CNTN5: variants seen among roughly 807,000 people sequenced by gnomAD.
CNTN5 encodes contactin 5.
CNTN5 carries 77 observed loss-of-function variants against 129.1 expected under a neutral mutation model. The observed-to-expected ratio is 0.60, with a 90% confidence interval of 0.50 to 0.72. The LOEUF is 0.72. Ranked by LOEUF, CNTN5 falls within the 30% of genes least tolerant of loss-of-function variation. CNTN5 has a pLI of 0.00. For synonymous variants in CNTN5, 509 were observed against 465.6 expected, an observed-to-expected ratio of 1.09 and a Z score of -1.20; for missense variants, 1,478 against 1,328.8, an observed-to-expected ratio of 1.11 and a Z score of -1.75.
intron 3 of CNTN5, among the ~76,000 whole-genome samples, chr11:99,663,828 T>C (rs1015300995): frequency 1.3e-5 from 2 of 152,328 alleles, no homozygotes; most frequent in East Asian, 3.9e-4. Context: ...CTTTTCTTTA[T>C]ACTTACCCAG....
At chr11:99,200,053 T>C (rs1408876419) in intron 1 of CNTN5, among the ~76,000 whole-genome samples, 1 of 152,228 alleles carries the variant, frequency 6.6e-6, no homozygotes, top group Non-Finnish European at 1.5e-5. Context: ...CCCAATACTA[T>C]ACAGATTACC....
chr11:99,597,825 G>A (rs954317536), intron 3 of CNTN5, among the ~76,000 whole-genome samples: 10 of 152,022 alleles, frequency 6.6e-5, no homozygotes, highest in Non-Finnish European at 1.0e-4. Flanking sequence ...AGCTTTCTCC[G>A]GTATTTTTCA....
chr11:99,507,484 A>C (rs1449210749), intron 2 of CNTN5, among the ~76,000 whole-genome samples: 2 of 152,078 alleles, frequency 1.3e-5, no homozygotes, highest in Non-Finnish European at 2.9e-5. Flanking sequence ...TAATTTTAAA[A>C]GAATTTGAAT....
rs147652218 is a variant in CNTN5, at chr11:100,085,646, A to T, written c.1580+11352A>T. Among the ~76,000 whole-genome samples, 526 of 152,184 alleles carry T rather than the reference A, an allele frequency of 3.5e-3. 4 individuals carry two copies. Among genetic ancestry groups the T allele is most frequent in the South Asian group, 0.026 (126 of 4,822 alleles). On this transcript the variant is annotated intron_variant, in intron 13 of 24. Transcript: ENST00000524871. ...GACTGACTGAGCATTGGGTATTTTT[A>T]TATTGCATTACTTTATTAAAGTCCT... is the stretch of plus-strand genomic sequence containing the variant.
intron 9 of CNTN5, among the ~76,000 whole-genome samples, chr11:100,040,864 G>T (rs992666963): frequency 3.0e-4 from 45 of 152,108 alleles, no homozygotes; most frequent in African/African-American, 9.9e-4. Context: ...AATTTTCCAG[G>T]TGCCGTCTGT....
At chr11:99,252,213 C>T (rs1157529347) in intron 1 of CNTN5, among the ~76,000 whole-genome samples, 1 of 151,878 alleles carries the variant, frequency 6.6e-6, no homozygotes, top group Non-Finnish European at 1.5e-5. Context: ...TTTTCGTATA[C>T]ACCCTTTTTA....
chr11:99,111,307 GGTGT>G (rs1857785366), intron 1 of CNTN5, among the ~76,000 whole-genome samples: 1 of 151,584 alleles, frequency 6.6e-6, no homozygotes, highest in South Asian at 2.1e-4. Flanking sequence ...TGTGTGTGTA[GGTGT>G]GTGTGTTTGT....
At chr11:99,497,546 C>A (rs1042636080) in intron 2 of CNTN5, among the ~76,000 whole-genome samples, 3 of 151,868 alleles carry the variant, frequency 2.0e-5, no homozygotes, top group African/African-American at 4.8e-5. Flanking sequence ...TGGGCCAGGA[C>A]AACTAAACAA....
At position 99,612,403 on chromosome 11, in the gene CNTN5, G is replaced by A. The variant is rs548921192; in HGVS notation, c.55+56134G>A. Among the ~76,000 whole-genome samples the A allele has an allele frequency of 6.6e-5, 10 of 152,154 alleles. No individual in the cohort carries two copies. In the South Asian group the frequency reaches 1.0e-3, roughly 16 times the overall value. On this transcript the variant is annotated intron_variant, in intron 3 of 24. Transcript: ENST00000524871. The stretch of plus-strand genomic sequence containing the variant: ...CCCTCTGACCCCATCTTCCTCTTAC[G>A]TAATTTAAATTGAGTAGGTAAAAAG...
intron 23 of CNTN5, among the ~76,000 whole-genome samples, chr11:100,345,264 G>T (rs1952254272): frequency 6.6e-6 from 1 of 152,110 alleles, no homozygotes; most frequent in Admixed American, 6.6e-5. Flanking sequence ...CCTCAAGAGG[G>T]GAGGAACACC....
intron 3 of CNTN5, among the ~76,000 whole-genome samples, chr11:99,675,874 A>T (rs1260324947): frequency 6.6e-6 from 1 of 152,144 alleles, no homozygotes; most frequent in East Asian, 1.9e-4. Flanking sequence ...CCTTGCAAAA[A>T]GGAAACAATT....
chr11:99,694,678 C>T (rs377117560), intron 3 of CNTN5, among the ~76,000 whole-genome samples: 2 of 152,028 alleles, frequency 1.3e-5, no homozygotes, highest in Middle Eastern at 3.2e-3. Flanking sequence ...GAGCCCCCCA[C>T]CCCCTGGCAG....
intron 3 of CNTN5, among the ~76,000 whole-genome samples, chr11:99,808,262 CATATT>C (rs1260259349): frequency 6.6e-6 from 1 of 152,112 alleles, no homozygotes; most frequent in Non-Finnish European, 1.5e-5. Context: ...ATGAGAGTGA[CATATT>C]AAATCAGGCT....
chr11:100,144,224 AT>A (rs1565283250), intron 13 of CNTN5, among the ~76,000 whole-genome samples: 2 of 151,938 alleles, frequency 1.3e-5, no homozygotes, highest in African/African-American at 4.8e-5. Flanking sequence ...TTTTTATTTT[AT>A]TTTTTTATTT....
At chr11:99,725,790 G>C (rs1001253935) in intron 3 of CNTN5, among the ~76,000 whole-genome samples, 1 of 152,006 alleles carries the variant, frequency 6.6e-6, no homozygotes, top group Non-Finnish European at 1.5e-5. Flanking sequence ...CTGCCATTTT[G>C]AATGGTCCAG....
chr11:99,428,461 T>G (rs1161800904), intron 2 of CNTN5, among the ~76,000 whole-genome samples: 2 of 148,958 alleles, frequency 1.3e-5, no homozygotes, highest in Non-Finnish European at 3.0e-5. Context: ...TTTGGGAGGT[T>G]AAGGTGAGAG....
rs538657885 is a variant in CNTN5, at chr11:99,369,851, A to G, written c.-71+44367A>G. 4.6e-5 allele frequency among the ~76,000 whole-genome samples: 7 copies of G among 152,294 alleles called. No homozygotes were observed. In the South Asian group the frequency reaches 1.0e-3, roughly 23 times the overall value. On this transcript the variant is annotated intron_variant, in intron 2 of 24. Coordinates refer to ENST00000524871, the MANE Select transcript of CNTN5 (RefSeq NM_014361.4). ...ATCAATATTTCTTTTGGAATTTACA[A>G]TCTAGAAAGAAGCAGATATTTACTA...
intron 3 of CNTN5, among the ~76,000 whole-genome samples, chr11:99,578,352 G>T (rs1427783684): frequency 6.6e-6 from 1 of 150,746 alleles, no homozygotes; most frequent in Admixed American, 6.6e-5. Context: ...CCAGTAATGG[G>T]ATAGTTGGGT....
At chr11:99,690,196 C>T (rs1209746378) in intron 3 of CNTN5, among the ~76,000 whole-genome samples, 1 of 152,092 alleles carries the variant, frequency 6.6e-6, no homozygotes, top group Non-Finnish European at 1.5e-5. Flanking sequence ...ATCCTTTCCC[C>T]ATTGCTTGTT....
Sources: allele counts gnomAD v4.1 joint callset (sites outside exome capture counted in the v4.1 genomes callset), GRCh38; gene constraint gnomAD v4.1.1; transcripts MANE v1.5; gene names NCBI Gene and HGNC (gene_info 2026-07-23, HGNC 2026-07-21).